Variants in SPATS2L observed in about 807,000 individuals in gnomAD.
SPATS2L encodes spermatogenesis associated serine rich 2 like.
A neutral mutation model predicts 59.6 loss-of-function variants in SPATS2L; 30 were observed. The ratio of observed to expected loss-of-function variants is 0.50; its 90% confidence interval spans 0.38 to 0.68. The LOEUF (loss-of-function observed/expected upper bound fraction) is 0.68, where lower values mean the gene tolerates loss of function less well. Ranked by LOEUF, SPATS2L falls within the 30% of genes least tolerant of loss-of-function variation. The pLI, the probability that SPATS2L is intolerant of heterozygous loss-of-function variation, is 0.00. For synonymous variants in SPATS2L, 252 were observed against 263.5 expected (o/e 0.96, Z 0.42); for missense variants, 615 against 700.0 (o/e 0.88, Z 1.37).
chr2:200,328,408 AAGTT>A (rs1055127386), intron 1 of SPATS2L, among the ~76,000 whole-genome samples: 22 of 152,150 alleles, frequency 1.4e-4, no homozygotes, highest in African/African-American at 5.3e-4. Flanking sequence ...TAGGGAGAAA[AAGTT>A]AGTCCAAAAG....
chr2:200,315,966 A>C (rs1012465332), intron 1 of SPATS2L, among the ~76,000 whole-genome samples: 2 of 145,050 alleles, frequency 1.4e-5, no homozygotes, highest in Non-Finnish European at 3.0e-5. Flanking sequence ...CAGAGCTTGC[A>C]GTGAGGGGAG....
chr2:200,363,443 C>A (rs935248761), intron 2 of SPATS2L, among the ~76,000 whole-genome samples: 1 of 152,196 alleles, frequency 6.6e-6, no homozygotes, highest in African/African-American at 2.4e-5. Flanking sequence ...CAAGACCAAC[C>A]TGGATTTTGA....
intron 2 of SPATS2L, among the ~76,000 whole-genome samples, chr2:200,370,753 C>T (rs2081403153): frequency 6.6e-6 from 1 of 152,144 alleles, no homozygotes; most frequent in Non-Finnish European, 1.5e-5. Context: ...TCCTCAAGGT[C>T]ACACAGTTCC....
At chr2:200,358,296 C>G (rs2080983059) in intron 2 of SPATS2L, among the ~76,000 whole-genome samples, 1 of 152,224 alleles carries the variant, frequency 6.6e-6, no homozygotes, top group Non-Finnish European at 1.5e-5. Flanking sequence ...GCAGGCACAT[C>G]ATATAACCTG....
At chr2:200,305,910 A>T (rs1435554061), upstream of SPATS2L, 1 of 227,128 alleles carries the variant, frequency 4.4e-6, no homozygotes, top group Non-Finnish European at 7.3e-6. Context: ...CTGGAAGAAG[A>T]GTGTTATCTA....
At chr2:200,475,846 T>C (rs1192122482) in intron 12 of SPATS2L, among the ~76,000 whole-genome samples, 3 of 152,010 alleles carry the variant, frequency 2.0e-5, no homozygotes, top group South Asian at 2.1e-4. Context: ...GGTTTGATTT[T>C]CAAAAAAGGT....
chr2:200,308,834 T>A, intron 1 of SPATS2L: 1 of 502,716 alleles, frequency 2.0e-6, no homozygotes, highest in Non-Finnish European at 3.5e-6. Context: ...TTTAATGTGC[T>A]CATTTAGACA....
intron 2 of SPATS2L, among the ~76,000 whole-genome samples, chr2:200,382,890 G>A (rs935450942): frequency 6.6e-6 from 1 of 152,108 alleles, no homozygotes; most frequent in East Asian, 1.9e-4. Context: ...CCTTAACGAC[G>A]TAATTTGTAG....
chr2:200,365,212 T>C (rs1442593854), intron 2 of SPATS2L, among the ~76,000 whole-genome samples: 2 of 152,274 alleles, frequency 1.3e-5, no homozygotes, highest in African/African-American at 4.8e-5. Context: ...TTATGTTATC[T>C]TTTAATGCTC....
intron 2 of SPATS2L, among the ~76,000 whole-genome samples, chr2:200,360,099 CAT>C (rs2081047206): frequency 6.6e-6 from 1 of 152,098 alleles, no homozygotes; most frequent in African/African-American, 2.4e-5. Flanking sequence ...AAATAAATAA[CAT>C]ATATGGTCCA....
chr2:200,403,844 A>G (rs567749824), intron 3 of SPATS2L, among the ~76,000 whole-genome samples: 1 of 152,238 alleles, frequency 6.6e-6, no homozygotes, highest in East Asian at 1.9e-4. Context: ...CATCAAGGTC[A>G]TTTCCTATCT....
At chr2:200,366,375 A>C (rs2081269343) in intron 2 of SPATS2L, among the ~76,000 whole-genome samples, 1 of 152,184 alleles carries the variant, frequency 6.6e-6, no homozygotes, top group South Asian at 2.1e-4. Flanking sequence ...ACTCAAAAGG[A>C]GGCTTTTGAG....
At position 200,481,152 on chromosome 2, in the gene SPATS2L, C is replaced by T. The variant is rs1208597872; in HGVS notation, c.*3121C>T. 6 of 152,206 alleles carry T rather than the reference C, an allele frequency of 3.9e-5. No homozygotes were observed. Among genetic ancestry groups the T allele is most frequent in the Non-Finnish European group, 7.3e-5 (5 of 68,034 alleles). 9.4% of individuals were successfully genotyped at this position (152,206 alleles called of 1,614,324 possible). A position where few individuals can be genotyped will look rare whatever the true frequency, so the allele number is the denominator to read the frequency against. On this transcript the variant is annotated 3_prime_UTR_variant, in exon 13 of 13. Coordinates refer to ENST00000409140, the MANE Select transcript of SPATS2L (RefSeq NM_001100423.2). ...ATGCAGCAAGACACAGAAAGTTAAACGCAAATTGCTGCAAAATTCACCCTC... is the reference window on the plus strand; with the variant it reads ...ATGCAGCAAGACACAGAAAGTTAAATGCAAATTGCTGCAAAATTCACCCTC...
rs1484876804 is a variant in SPATS2L, at chr2:200,477,793, G to C, written c.1439G>C (p.Arg480Pro). The change falls in exon 13 of 13, where the codon CGG becomes CCG. Residue 480 changes from arginine to proline, a missense_variant. This residue lies in a region of SPATS2L where 284 missense variants were observed against 280.1 expected (regional missense o/e 1.01). Transcript: ENST00000409140. Reference sequence around the variant, plus strand: ...AGAAGACAGCCGCACAACGGCTTCCGGCCCAAAAACAAAGGCGGTGCCAAA... The same window carrying C: ...AGAAGACAGCCGCACAACGGCTTCCCGCCCAAAAACAAAGGCGGTGCCAAA... The part of the protein sequence containing the change: ...EHRRQPHNGF[R>P]PKNKGGAKNQ... The C allele has an allele frequency of 6.3e-7, 1 of 1,576,302 alleles. No homozygotes were observed. The highest frequency in any genetic ancestry group is 8.6e-7 in the Non-Finnish European group (1 of 1,160,892).
rs371826433 is a variant in SPATS2L at position 200,419,461 on chromosome 2, T to C, written c.410T>C (p.Leu137Pro). 34 of 1,613,902 alleles carry C rather than the reference T, an allele frequency of 2.1e-5. No homozygotes were observed. In the African/African-American group the frequency reaches 4.4e-4, roughly 21 times the overall value. ...LIPREKKISI[L>P]EEPSKALRGV... ...CCTCGTGAGAAAAAGATCTCGATAC[T>C]TGAGGAACCTTCAAAGGCACTTCGT... is the stretch of plus-strand genomic sequence containing the variant. Residue 137 changes from leucine (L) to proline (P), a missense_variant, in exon 6 of 13, where the codon CTT becomes CCT. Coordinates refer to ENST00000409140, the MANE Select transcript of SPATS2L (RefSeq NM_001100423.2).
rs771584458 is a variant in SPATS2L, at chr2:200,479,497, A to T, written c.*1466A>T. 1 of 398,438 alleles carries T rather than the reference A, an allele frequency of 2.5e-6. No homozygotes were observed. The highest frequency in any genetic ancestry group is 3.6e-5 in the East Asian group (1 of 28,068). The allele number at this position is 398,438 out of a possible 1,614,324, so 24.7% of individuals were successfully genotyped here. A position where few individuals can be genotyped will look rare whatever the true frequency, so the allele number is the denominator to read the frequency against. On this transcript the variant is annotated 3_prime_UTR_variant, in exon 13 of 13. Transcript: ENST00000409140. ...TAGACTAATTAGAGCCCACCCCTGG[A>T]GCCTGGGTGTGGCCATCTTCCCAGA...
chr2:200,353,762 C>T (rs2080817310), intron 2 of SPATS2L, among the ~76,000 whole-genome samples: 1 of 152,172 alleles, frequency 6.6e-6, no homozygotes, highest in Non-Finnish European at 1.5e-5. Flanking sequence ...GAAGCAATGA[C>T]TTCTACAAGT....
In SPATS2L at chr2:200,329,497, C is replaced by T; in HGVS notation, c.-23+17C>T. 2 of 1,545,614 alleles carry T rather than the reference C, an allele frequency of 1.3e-6. No individual in the cohort carries two copies. Among genetic ancestry groups the T allele is most frequent in the Middle Eastern group, 1.7e-4 (1 of 5,984 alleles). On this transcript the variant is annotated intron_variant, in intron 2 of 12. Coordinates refer to ENST00000409140, the MANE Select transcript of SPATS2L (RefSeq NM_001100423.2). ...GATTCCCAGGTGAGTAGAGATGGTC[C>T]TTCCCTCTCTGTGACCTCCTCCTGC...
intron 1 of SPATS2L, among the ~76,000 whole-genome samples, chr2:200,314,719 T>C (rs897053807): frequency 3.9e-5 from 6 of 152,198 alleles, no homozygotes; most frequent in South Asian, 4.1e-4. Flanking sequence ...GGCGAGATGA[T>C]AGACCTGCTG....
Sources: gnomAD v4.1 joint callset for allele counts (sites outside exome capture counted in the v4.1 genomes callset) on GRCh38, gnomAD v4.1.1 for gene constraint, gnomAD v4.1.1 regional missense constraint, MANE v1.5 for transcripts, NCBI Gene and HGNC (gene_info 2026-07-23, HGNC 2026-07-21) for gene names.